ABCB11: variants seen among roughly 807,000 people sequenced by gnomAD.
The protein encoded by ABCB11 is ATP binding cassette subfamily B member 11.
ABCB11 carries 95 observed loss-of-function variants against 148.0 expected under a neutral mutation model. The ratio of observed to expected loss-of-function variants is 0.64; its 90% CI spans 0.54 to 0.76. The LOEUF is 0.76. ABCB11 is among the 30% of genes least tolerant of loss of function. The pLI, the probability that ABCB11 is intolerant of heterozygous loss-of-function variation, is 0.00. For synonymous variants in ABCB11, 591 were observed against 555.4 expected (o/e 1.06, Z -0.90); for missense variants, 1,523 against 1,617.8 (o/e 0.94, Z 1.01).
rs888229764 is a variant in ABCB11 at position 168,964,402 on chromosome 2, A to G, written c.2076-94T>C. ...AAGTTTACATTTCATATGTCAAATAAATAGAAATGTTTGGTAGGTCACATG... is the reference window on the plus strand; with the variant it reads ...AAGTTTACATTTCATATGTCAAATAGATAGAAATGTTTGGTAGGTCACATG... On this transcript the variant is annotated intron_variant, in intron 17 of 27. Coordinates refer to ENST00000650372, the MANE Select transcript of ABCB11 (RefSeq NM_003742.4). 5.8e-6 allele frequency: 6 copies of G among 1,027,632 alleles called. No homozygotes were observed. The East Asian group carries it at 1.6e-4, about 27-fold the overall frequency. The allele number at this position is 1,027,632 out of a possible 1,614,324, so 63.7% of individuals were successfully genotyped here. A position where few individuals can be genotyped will look rare whatever the true frequency, so the allele number is the denominator to read the frequency against.
rs191519951 is a variant in ABCB11, at chr2:168,927,124, C to T, written c.3618+32G>A. 31 of 1,566,670 alleles carry T rather than the reference C, an allele frequency of 2.0e-5. No homozygotes were observed. In the East Asian group the frequency reaches 6.7e-4, roughly 34 times the overall value. On this transcript the variant is annotated intron_variant, in intron 26 of 27. Transcript: ENST00000650372. ...ATTCTACTTCTCCCCATCCTTGTCT[C>T]TCATAGGGAATGGCTCTGACTTCGT...
chr2:168,927,658 C>G (rs958292723), intron 25 of ABCB11, among the ~76,000 whole-genome samples: 1 of 152,124 alleles, frequency 6.6e-6, no homozygotes, highest in African/African-American at 2.4e-5. Context: ...GAAACAACGT[C>G]CCCTTACTTT....
intron 1 of ABCB11, among the ~76,000 whole-genome samples, chr2:169,018,563 C>T (rs1226288880): frequency 2.0e-5 from 3 of 152,202 alleles, no homozygotes; most frequent in African/African-American, 7.2e-5. Flanking sequence ...TGATGAACGA[C>T]ACCCACATAC....
downstream of ABCB11, among the ~76,000 whole-genome samples, chr2:168,919,935 C>T (rs1029543807): frequency 3.3e-5 from 5 of 151,784 alleles, no homozygotes; most frequent in Non-Finnish European, 5.9e-5. Context: ...GGCAGTGGCG[C>T]GATGTTGGGT....
chr2:168,939,324 A>G (rs1487147409), intron 21 of ABCB11, among the ~76,000 whole-genome samples: 1 of 152,038 alleles, frequency 6.6e-6, no homozygotes, highest in Non-Finnish European at 1.5e-5. Flanking sequence ...ATCATTATTT[A>G]CTATTACTCT....
At chr2:168,996,371 A>G (rs1694713242) in intron 6 of ABCB11, among the ~76,000 whole-genome samples, 1 of 152,016 alleles carries the variant, frequency 6.6e-6, no homozygotes, top group African/African-American at 2.4e-5. Context: ...CTGGATATAG[A>G]AGAGAGGATG....
At chr2:168,975,798 TATC>T (rs1245993664) in intron 12 of ABCB11, among the ~76,000 whole-genome samples, 1 of 148,668 alleles carries the variant, frequency 6.7e-6, no homozygotes, top group Non-Finnish European at 1.5e-5. Context: ...ATCACATATA[TATC>T]ATATATATCA....
rs574669785 is a variant in ABCB11, at chr2:168,993,531, T to A, written c.783+180A>T. Reference sequence around the variant, plus strand: ...AAAACAATATTTACCTATTAAAACATCATTAATCCCTATTCGATGAAATGT... The same window carrying A: ...AAAACAATATTTACCTATTAAAACAACATTAATCCCTATTCGATGAAATGT... On this transcript the variant is annotated intron_variant, in intron 8 of 27. Coordinates refer to ENST00000650372, the MANE Select transcript of ABCB11 (RefSeq NM_003742.4). Among the ~76,000 whole-genome samples the A allele has an allele frequency of 9.9e-5, 15 of 152,210 alleles. No homozygotes were observed. In the South Asian group the frequency reaches 3.1e-3, roughly 32 times the overall value.
intron 21 of ABCB11, among the ~76,000 whole-genome samples, chr2:168,938,508 G>C (rs1414763087): frequency 6.6e-6 from 1 of 152,112 alleles, no homozygotes; most frequent in Non-Finnish European, 1.5e-5. Context: ...GTGGTTGCTG[G>C]GGCTGAGGGG....
Position 168,969,444 on chromosome 2 carries a change from G to C in ABCB11, c.1917C>G (p.Thr639=). ...FEHGTAVERG[T]HEELLERKGV... ...CTTTCCTTTCCAGTAATTCTTCATG[G>C]GTCCCTCTTTCCACTGCAGTGCCAT... Residue 639 remains threonine, a synonymous_variant, in exon 16 of 28, where the codon ACC becomes ACG. Coordinates refer to ENST00000650372, the MANE Select transcript of ABCB11 (RefSeq NM_003742.4). The C allele has an allele frequency of 6.2e-7, 1 of 1,612,520 alleles. No homozygotes were observed. The highest frequency in any genetic ancestry group is 2.2e-5 in the East Asian group (1 of 44,712).
chr2:168,934,602 C>T (rs1691733433), intron 23 of ABCB11, among the ~76,000 whole-genome samples: 1 of 152,182 alleles, frequency 6.6e-6, no homozygotes, highest in African/African-American at 2.4e-5. Flanking sequence ...GCCCTCTTTG[C>T]AAGAGAGGAG....
chr2:168,938,544 G>A (rs1038808952), intron 21 of ABCB11, among the ~76,000 whole-genome samples: 8 of 152,084 alleles, frequency 5.3e-5, no homozygotes, highest in African/African-American at 1.7e-4. Flanking sequence ...GGGAGTTGCC[G>A]TTTCAAGGGT....
chr2:168,956,669 G>T (rs1330284778), intron 19 of ABCB11, among the ~76,000 whole-genome samples: 1 of 151,520 alleles, frequency 6.6e-6, no homozygotes, highest in Non-Finnish European at 1.5e-5. Flanking sequence ...CAGAGGCAGT[G>T]CATGTTTGTA....
At chr2:168,960,092 C>G (rs923056102) in intron 18 of ABCB11, among the ~76,000 whole-genome samples, 1 of 151,616 alleles carries the variant, frequency 6.6e-6, no homozygotes, top group Non-Finnish European at 1.5e-5. Context: ...TGGTTGGTAT[C>G]CAGATCTGGA....
downstream of ABCB11, among the ~76,000 whole-genome samples, chr2:168,919,465 C>T (rs943313137): frequency 1.1e-4 from 17 of 152,122 alleles, no homozygotes; most frequent in East Asian, 7.7e-4. Flanking sequence ...GAACCCATTT[C>T]CCTGCCTCAA....
chr2:169,002,771 G>A (rs959011551), intron 5 of ABCB11, among the ~76,000 whole-genome samples: 23 of 152,000 alleles, frequency 1.5e-4, no homozygotes, highest in Non-Finnish European at 1.9e-4. Flanking sequence ...AGTTACTAAG[G>A]GCTAGAGGTG....
At position 168,921,952 on chromosome 2, in the gene ABCB11, C is replaced by G. The variant is rs1209681344; in HGVS notation, c.*1670G>C. Among the ~76,000 whole-genome samples the G allele has an allele frequency of 6.6e-6, 1 of 151,320 alleles. No homozygotes were observed. The highest frequency in any genetic ancestry group is 1.5e-5 in the Non-Finnish European group (1 of 67,870). On this transcript the variant is annotated 3_prime_UTR_variant, in exon 28 of 28. Coordinates refer to ENST00000650372, the MANE Select transcript of ABCB11 (RefSeq NM_003742.4). ...CAAGCTCCACCTCCCGGGTTCACGC[C>G]ATTCTCCTGCCTCAGCCTCCTGAGT...
chr2:168,954,893 C>T (rs961328935), intron 19 of ABCB11, among the ~76,000 whole-genome samples: 1 of 151,710 alleles, frequency 6.6e-6, no homozygotes, highest in Admixed American at 6.6e-5. Flanking sequence ...AGTCCATGTT[C>T]AGTCCCTTTA....
chr2:168,982,172 G>C (rs1224369528), intron 10 of ABCB11, among the ~76,000 whole-genome samples: 1 of 152,136 alleles, frequency 6.6e-6, no homozygotes, highest in Non-Finnish European at 1.5e-5. Context: ...CTATGGGTGT[G>C]CTGGAGAAAA....
Sources: allele counts gnomAD v4.1 joint callset (sites outside exome capture counted in the v4.1 genomes callset), GRCh38; gene constraint gnomAD v4.1.1; transcripts MANE v1.5; gene names NCBI Gene and HGNC (gene_info 2026-07-23, HGNC 2026-07-21).